Variants in LLGL2 observed in about 807,000 individuals in gnomAD.
LLGL2 encodes LLGL scribble cell polarity complex component 2, also known as LLGL2, scribble cell polarity complex component.
In LLGL2, 81 loss-of-function variants were observed where a neutral mutation model predicts 123.2. The ratio of observed to expected loss-of-function variants is 0.66; its 90% confidence interval spans 0.55 to 0.79. LLGL2 has a LOEUF of 0.79. Ranked by LOEUF, LLGL2 falls within the 30% of genes least tolerant of loss-of-function variation. The pLI, the probability that LLGL2 is intolerant of heterozygous loss-of-function variation, is 0.00. For missense variants in LLGL2, 1,273 were observed against 1,414.6 expected (o/e 0.90, Z 1.61); for synonymous variants, 577 against 594.1 (o/e 0.97, Z 0.42).
At chr17:75,541,563 C>T (rs2054206785) in intron 1 of LLGL2, among the ~76,000 whole-genome samples, 1 of 152,124 alleles carries the variant, frequency 6.6e-6, no homozygotes, top group Non-Finnish European at 1.5e-5. Flanking sequence ...TCTGGTCTGA[C>T]TCCTCCAAAA....
rs770125612 is a variant in LLGL2 at position 75,558,257 on chromosome 17, C to T, written c.255+21C>T. 3 of 1,601,890 alleles carry T rather than the reference C, an allele frequency of 1.9e-6. No individual in the cohort carries two copies. The highest frequency in any genetic ancestry group is 3.3e-5 in the Admixed American group (2 of 59,934). On this transcript the variant is annotated intron_variant, in intron 4 of 25. Coordinates refer to ENST00000392550, the MANE Select transcript of LLGL2 (RefSeq NM_001031803.2). This position sits in a 1 kb window ranked among gnomAD's most constrained non-coding sequence, Gnocchi z 4.0. ...GCCAGGTGAGGGACCTGGGGTGGGA[C>T]AGGAAGCCACTTCCATGCCCTCCTT...
chr17:75,540,681 G>A (rs2054173356), intron 1 of LLGL2, among the ~76,000 whole-genome samples: 2 of 152,220 alleles, frequency 1.3e-5, no homozygotes, highest in South Asian at 4.1e-4. Flanking sequence ...GCTACCCACA[G>A]CCCTTCTGAC....
chr17:75,561,877 A>G (rs1163337264), intron 6 of LLGL2, among the ~76,000 whole-genome samples: 2 of 151,832 alleles, frequency 1.3e-5, no homozygotes, highest in East Asian at 1.9e-4. Flanking sequence ...AGCCGAGGTC[A>G]CACCACTGCA....
intron 10 of LLGL2, among the ~76,000 whole-genome samples, chr17:75,567,471 T>G (rs1327090510): frequency 7.1e-6 from 1 of 140,454 alleles, no homozygotes. Flanking sequence ...TCTCAAAAAA[T>G]AAAAAAGAAA....
chr17:75,554,117 C>T (rs1309070041), intron 2 of LLGL2, among the ~76,000 whole-genome samples: 9 of 152,024 alleles, frequency 5.9e-5, no homozygotes, highest in Non-Finnish European at 2.9e-5. Context: ...GCCTGGCCAA[C>T]ATGGTGAAAG....
Position 75,558,036 on chromosome 17 carries a change from G to A in LLGL2, c.174-119G>A, listed in dbSNP as rs543970835. ...CTCCATGCATGGGTCCTGCTGCCTC[G>A]GGGGAGGGCAGCCCCTCTCTGTGTT... is the stretch of plus-strand genomic sequence containing the variant. On this transcript the variant is annotated intron_variant, in intron 3 of 25. Coordinates refer to ENST00000392550, the MANE Select transcript of LLGL2 (RefSeq NM_001031803.2). The surrounding 1 kb of genome is among the most constrained non-coding windows in gnomAD (Gnocchi z 4.0). 2.2e-5 allele frequency: 21 copies of A among 967,768 alleles called. No homozygotes were observed. The highest frequency in any genetic ancestry group is 2.1e-4 in the Middle Eastern group (1 of 4,816). The allele number at this position is 967,768 out of a possible 1,614,324, so 59.9% of individuals were successfully genotyped here.
At chr17:75,551,620 G>T (rs1371845677) in intron 2 of LLGL2, among the ~76,000 whole-genome samples, 1 of 152,158 alleles carries the variant, frequency 6.6e-6, no homozygotes, top group Non-Finnish European at 1.5e-5. Flanking sequence ...AACAGGAGTA[G>T]TGACTCTGGT....
chr17:75,564,410 C>T lies in LLGL2; in HGVS notation c.939C>T (p.His313=). 1.9e-6 allele frequency: 3 copies of T among 1,613,464 alleles called. No individual in the cohort carries two copies. The highest frequency in any genetic ancestry group is 2.5e-6 in the Non-Finnish European group (3 of 1,179,992). Residue 313 remains histidine (H), a synonymous_variant, in exon 10 of 26, where the codon CAC becomes CAT. Transcript: ENST00000392550. This position sits in a 1 kb window ranked among gnomAD's most constrained non-coding sequence, Gnocchi z 4.9. ...CACGGGCCAGCTACGGGGACCGCCA[C>T]TGCATCTCAGTGATCCACGATGGCC... The part of the protein sequence containing the change: ...GMPRASYGDR[H]CISVIHDGQQ...
intron 1 of LLGL2, among the ~76,000 whole-genome samples, chr17:75,540,108 G>A (rs1358058928): frequency 2.0e-5 from 3 of 152,118 alleles, no homozygotes; most frequent in African/African-American, 7.2e-5. Context: ...GCTATGCGGT[G>A]CTGTGATGGT....
chr17:75,529,584 C>T (rs544621174), intron 1 of LLGL2, among the ~76,000 whole-genome samples: 14 of 151,930 alleles, frequency 9.2e-5, no homozygotes, highest in South Asian at 2.1e-4. Flanking sequence ...AAAATTAGGC[C>T]GGGCTCTGTG....
At chr17:75,538,679 A>G (rs1418711680) in intron 1 of LLGL2, 1 of 152,120 alleles carries the variant, frequency 6.6e-6, no homozygotes, top group Admixed American at 6.6e-5. Context: ...GTGTGTCCAA[A>G]CGTGGCCAGG....
In LLGL2 at chr17:75,572,147, G is replaced by A. The variant is rs2055742406; in HGVS notation, c.2460+83G>A. The A allele has an allele frequency of 1.8e-5, 24 of 1,364,332 alleles. No homozygotes were observed. In the South Asian group the frequency reaches 2.9e-4, roughly 16 times the overall value. 84.5% of individuals were successfully genotyped at this position (1,364,332 alleles called of 1,614,324 possible). ...GGACCTTGGGCAAAAATGATGGCTGGGACTCAGTCTTGTTTGCAGTTGGTG... is the reference window on the plus strand; with the variant it reads ...GGACCTTGGGCAAAAATGATGGCTGAGACTCAGTCTTGTTTGCAGTTGGTG... On this transcript the variant is annotated intron_variant, in intron 19 of 25. Transcript: ENST00000392550.
chr17:75,564,808 G>A lies in LLGL2; in HGVS notation c.1036+301G>A, dbSNP rs1303036906. On this transcript the variant is annotated intron_variant, in intron 10 of 25. Coordinates refer to ENST00000392550, the MANE Select transcript of LLGL2 (RefSeq NM_001031803.2). This position sits in a 1 kb window ranked among gnomAD's most constrained non-coding sequence, Gnocchi z 4.9. ...GAGCCTGGGAGGTGGAGGTTGCAGC[G>A]AACCAGGATCATGCTACTGTACTCA... 5 of 289,602 alleles carry A rather than the reference G, an allele frequency of 1.7e-5. No individual in the cohort carries two copies. The highest frequency in any genetic ancestry group is 7.0e-5 in the African/African-American group (3 of 42,968). 17.9% of individuals were successfully genotyped at this position (289,602 alleles called of 1,614,324 possible).
At chr17:75,535,402 CCT>C (rs2053962790) in intron 1 of LLGL2, among the ~76,000 whole-genome samples, 1 of 152,180 alleles carries the variant, frequency 6.6e-6, no homozygotes, top group Non-Finnish European at 1.5e-5. Flanking sequence ...GCCCGGGGGC[CCT>C]CTCTGGTTTC....
At chr17:75,555,024 A>G (rs927502425) in intron 2 of LLGL2, among the ~76,000 whole-genome samples, 1 of 151,104 alleles carries the variant, frequency 6.6e-6, no homozygotes, top group African/African-American at 2.4e-5. Flanking sequence ...AAAAATACAA[A>G]AAATTAGCCA....
chr17:75,525,417 A>G (rs1009415136), upstream of LLGL2, among the ~76,000 whole-genome samples: 5 of 151,614 alleles, frequency 3.3e-5, no homozygotes, highest in African/African-American at 1.2e-4. This position sits in a 1 kb window ranked among gnomAD's most constrained non-coding sequence, Gnocchi z 4.8. Flanking sequence ...TCCGGGAACT[A>G]TTTCCGCTTG....
chr17:75,533,002 AC>A (rs1263268982), intron 1 of LLGL2, among the ~76,000 whole-genome samples: 47 of 151,954 alleles, frequency 3.1e-4, no homozygotes, highest in African/African-American at 1.1e-3. Context: ...TCATTCAAGT[AC>A]TTTTTTTTTC....
chr17:75,530,236 C>T (rs1208414657), intron 1 of LLGL2, among the ~76,000 whole-genome samples: 2 of 152,118 alleles, frequency 1.3e-5, no homozygotes, highest in Non-Finnish European at 2.9e-5. Flanking sequence ...GGCATTTTGG[C>T]TCATGCCTGT....
chr17:75,541,479 T>G (rs1328273959), intron 1 of LLGL2, among the ~76,000 whole-genome samples: 1 of 152,218 alleles, frequency 6.6e-6, no homozygotes, highest in Non-Finnish European at 1.5e-5. Context: ...TGAACCCCCT[T>G]GGGACCTTGG....
Sources: gnomAD v4.1 joint callset for allele counts (sites outside exome capture counted in the v4.1 genomes callset) on GRCh38, gnomAD v4.1.1 for gene constraint, Gnocchi (gnomAD v3.1) non-coding constraint, MANE v1.5 for transcripts, NCBI Gene and HGNC (gene_info 2026-07-23, HGNC 2026-07-21) for gene names.